Variants in DCLK1 observed in about 807,000 individuals in gnomAD.
The protein encoded by DCLK1 is doublecortin like kinase 1.
Under a neutral mutation model 86.2 loss-of-function variants are expected in DCLK1, and 16 were observed. That is an observed-to-expected ratio of 0.19 (90% CI 0.13 to 0.28). The LOEUF (loss-of-function observed/expected upper bound fraction) is 0.28, where lower values mean the gene tolerates loss of function less well. DCLK1 is among the 10% of genes least tolerant of loss of function. The pLI is 1.00. For synonymous variants in DCLK1, 369 were observed against 370.5 expected, an observed-to-expected ratio of 1.00 and a Z score of 0.05; for missense variants, 590 against 940.2, an observed-to-expected ratio of 0.63 and a Z score of 4.87.
At chr13:36,016,638 C>G (rs1255605128) in intron 3 of DCLK1, among the ~76,000 whole-genome samples, 1 of 152,152 alleles carries the variant, frequency 6.6e-6, no homozygotes, top group Non-Finnish European at 1.5e-5. Context: ...GAGTTTTTAT[C>G]ATGGATCCTG....
intron 4 of DCLK1, among the ~76,000 whole-genome samples, chr13:35,902,661 T>C (rs1219041578): frequency 6.6e-6 from 1 of 152,068 alleles, no homozygotes; most frequent in East Asian, 1.9e-4. Flanking sequence ...TGTAACATGG[T>C]GAATGTGGTC....
intron 3 of DCLK1, among the ~76,000 whole-genome samples, chr13:36,047,657 A>G (rs1198552658): frequency 6.6e-6 from 1 of 152,202 alleles, no homozygotes; most frequent in Non-Finnish European, 1.5e-5. Context: ...AGAAATGGAG[A>G]GTAGAAAGGT....
intron 3 of DCLK1, among the ~76,000 whole-genome samples, chr13:36,094,377 T>C (rs1459481719): frequency 6.6e-6 from 1 of 152,202 alleles, no homozygotes; most frequent in Non-Finnish European, 1.5e-5. Flanking sequence ...CCAATGGTTA[T>C]GAATACAAAA....
intron 7 of DCLK1, 34 bp downstream of exon 7, chr13:35,839,057 CT>C (rs1566560542): frequency 1.3e-6 from 2 of 1,564,632 alleles, no homozygotes; most frequent in African/African-American, 1.3e-5. Flanking sequence ...AACCCATCCT[CT>C]GCCTCCTCAG....
chr13:36,124,780 C>A (rs1044529450), intron 2 of DCLK1, among the ~76,000 whole-genome samples: 9 of 152,190 alleles, frequency 5.9e-5, no homozygotes, highest in African/African-American at 2.2e-4. Context: ...ACCTCCCTTT[C>A]CCAGATTCTT....
At chr13:36,118,202 G>A (rs921796131) in intron 2 of DCLK1, among the ~76,000 whole-genome samples, 2 of 152,176 alleles carry the variant, frequency 1.3e-5, no homozygotes, top group South Asian at 2.1e-4. Context: ...GGTTGCACTG[G>A]CTGCAGTGTG....
At chr13:35,910,376 TA>T (rs1375468444) in intron 4 of DCLK1, among the ~76,000 whole-genome samples, 1 of 152,186 alleles carries the variant, frequency 6.6e-6, no homozygotes, top group Non-Finnish European at 1.5e-5. Context: ...ATAACAGAGA[TA>T]ATACTCAGCC....
At chr13:36,074,775 C>A (rs1401028227) in intron 3 of DCLK1, among the ~76,000 whole-genome samples, 2 of 152,164 alleles carry the variant, frequency 1.3e-5, no homozygotes, top group Non-Finnish European at 2.9e-5. Context: ...TCCTAAGAGT[C>A]CCACTGCCTG....
chr13:36,131,124 A>C lies in DCLK1; in HGVS notation c.-30T>G, dbSNP rs1222040209. 1 of 151,136 alleles carries C rather than the reference A, an allele frequency of 6.6e-6. No homozygotes were observed. The highest frequency in any genetic ancestry group is 6.6e-5 in the Admixed American group (1 of 15,106). The allele number at this position is 151,136 out of a possible 1,614,324, so 9.4% of individuals were successfully genotyped here. On this transcript the variant is annotated 5_prime_UTR_variant, in exon 1 of 17. Transcript: ENST00000360631. ...AGGCAAACCACGCACCGGTCCGCGG[A>C]GAGACGCCGCCGGGGGTCTTTGTGG...
intron 16 of DCLK1, among the ~76,000 whole-genome samples, chr13:35,775,055 T>C (rs1272814956): frequency 2.0e-5 from 3 of 152,010 alleles, no homozygotes; most frequent in Non-Finnish European, 2.9e-5. Flanking sequence ...GGTGCCTGAG[T>C]CCTGTGTGTA....
At chr13:36,079,508 T>G (rs887332151) in intron 3 of DCLK1, among the ~76,000 whole-genome samples, 1 of 151,992 alleles carries the variant, frequency 6.6e-6, no homozygotes, top group African/African-American at 2.4e-5. Context: ...GGCGGGCACA[T>G]GTAATCCCAG....
intron 4 of DCLK1, among the ~76,000 whole-genome samples, chr13:35,880,466 G>T (rs1241349306): frequency 5.9e-5 from 9 of 152,160 alleles, no homozygotes; most frequent in Non-Finnish European, 1.2e-4. Flanking sequence ...CCAAAATGGT[G>T]TTCCTCACTA....
chr13:35,991,666 A>AAAC (rs1183332832), intron 3 of DCLK1, among the ~76,000 whole-genome samples: 3 of 152,152 alleles, frequency 2.0e-5, no homozygotes, highest in Admixed American at 2.0e-4. Flanking sequence ...TATCTCAAAC[A>AAAC]AACAACAACA....
chr13:35,792,175 A>G (rs1182935150), intron 16 of DCLK1, among the ~76,000 whole-genome samples: 4 of 152,222 alleles, frequency 2.6e-5, no homozygotes, highest in Non-Finnish European at 5.9e-5. Flanking sequence ...TTCACTTTAC[A>G]CATGTGCCAG....
rs1878239207 is a variant in DCLK1 at position 35,958,279 on chromosome 13, T to TCACCACTATAACCACCACCACCACCAC, written c.724-10823_724-10822insGTGGTGGTGGTGGTGGTTATAGTGGTG. Among the ~76,000 whole-genome samples the TCACCACTATAACCACCACCACCACCAC allele has an allele frequency of 4.8e-4, 4 of 8,262 alleles. 1 individual carries two copies. Among genetic ancestry groups the TCACCACTATAACCACCACCACCACCAC allele is most frequent in the South Asian group, 8.6e-3 (2 of 232 alleles). 5.4% of individuals were successfully genotyped at this position (8,262 alleles called of 152,430 possible). On this transcript the variant is annotated intron_variant, in intron 3 of 16. Coordinates refer to ENST00000360631, the MANE Select transcript of DCLK1 (RefSeq NM_001330071.2). ...ACCACTACTATAACCATTACCACCA[T>TCACCACTATAACCACCACCACCACCAC]CACTGCCACTATAACCACTATAATA...
At chr13:35,886,604 G>C (rs1391714932) in intron 4 of DCLK1, among the ~76,000 whole-genome samples, 1 of 152,160 alleles carries the variant, frequency 6.6e-6, no homozygotes, top group Non-Finnish European at 1.5e-5. Context: ...ATTAGTTTCT[G>C]GTGACTCAGT....
intron 10 of DCLK1, among the ~76,000 whole-genome samples, chr13:35,825,824 T>TC (rs546525245): frequency 2.6e-5 from 4 of 151,886 alleles, no homozygotes; most frequent in South Asian, 2.1e-4. Flanking sequence ...TTTTTTATTT[T>TC]TTTTTGAGAC....
Position 35,854,490 on chromosome 13 carries a change from T to C in DCLK1, c.1035+9A>G. The C allele has an allele frequency of 6.3e-7, 1 of 1,588,740 alleles. No homozygotes were observed. The highest frequency in any genetic ancestry group is 8.6e-7 in the Non-Finnish European group (1 of 1,167,146). Reference sequence around the variant, plus strand: ...AGGTCTGAAACAAGCAGCTTGCTTATTTCCTTACCCTCTGCTTCCGCAGGC... The same window carrying C: ...AGGTCTGAAACAAGCAGCTTGCTTACTTCCTTACCCTCTGCTTCCGCAGGC... On this transcript the variant is annotated intron_variant, in intron 6 of 16. Transcript: ENST00000360631.
intron 3 of DCLK1, among the ~76,000 whole-genome samples, chr13:35,987,888 C>T (rs367737972): frequency 1.3e-5 from 2 of 152,132 alleles, no homozygotes; most frequent in South Asian, 4.1e-4. Flanking sequence ...ATTTCTAGAG[C>T]TTTTATGGCA....
Sources: gnomAD v4.1 joint callset for allele counts (sites outside exome capture counted in the v4.1 genomes callset) on GRCh38, gnomAD v4.1.1 for gene constraint, MANE v1.5 for transcripts, NCBI Gene and HGNC (gene_info 2026-07-23, HGNC 2026-07-21) for gene names.